ADAMTS12: variants seen among roughly 807,000 people sequenced by gnomAD.
ADAMTS12 encodes the protein A disintegrin and metalloproteinase with thrombospondin motifs 12.
In ADAMTS12, 118 loss-of-function variants were observed where a neutral mutation model predicts 167.8. That is an observed-to-expected ratio of 0.70 (90% CI 0.61 to 0.82). ADAMTS12 has a LOEUF of 0.82. Ranked by LOEUF, ADAMTS12 falls within the 40% of genes least tolerant of loss-of-function variation. The pLI, the probability that ADAMTS12 is intolerant of heterozygous loss-of-function variation, is 0.00. For synonymous variants in ADAMTS12, 704 were observed against 716.9 expected (o/e 0.98, Z 0.29); for missense variants, 1,916 against 1,998.8 (o/e 0.96, Z 0.79).
At chr5:33,812,628 A>G (rs1195450177) in intron 2 of ADAMTS12, among the ~76,000 whole-genome samples, 1 of 152,222 alleles carries the variant, frequency 6.6e-6, no homozygotes, top group African/African-American at 2.4e-5. Context: ...ACACAATATC[A>G]ACTCTTGTGT....
chr5:33,637,733 C>T lies in ADAMTS12; in HGVS notation c.1732G>A (p.Gly578Arg), dbSNP rs756550892. Residue 578 changes from glycine to arginine, a missense_variant, in exon 12 of 24, where the codon GGG becomes AGG. Physicochemically the swap from Gly to Arg is moderately radical, Grantham distance 125. Coordinates refer to ENST00000504830, the MANE Select transcript of ADAMTS12 (RefSeq NM_030955.4). ...TTTCTTTCTCCAGTGCAATATTTCCCTCCAAACTTTGGCCTGCAAATGAAA... is the reference window on the plus strand; with the variant it reads ...TTTCTTTCTCCAGTGCAATATTTCCTTCCAAACTTTGGCCTGCAAATGAAA... ...LCNNPEPKFGGKYCTGERKRY... is the reference protein window; with the variant it reads ...LCNNPEPKFGRKYCTGERKRY... 273 of 1,612,716 alleles carry T rather than the reference C, an allele frequency of 1.7e-4. No individual in the cohort carries two copies. The highest frequency in any genetic ancestry group is 2.2e-4 in the Non-Finnish European group (255 of 1,179,288).
intron 2 of ADAMTS12, among the ~76,000 whole-genome samples, chr5:33,779,028 A>G (rs1284930354): frequency 6.6e-6 from 1 of 152,156 alleles, no homozygotes; most frequent in Admixed American, 6.6e-5. Flanking sequence ...CAGCGTGTGG[A>G]GAAAATGAAA....
At chr5:33,788,652 T>C (rs1480198771) in intron 2 of ADAMTS12, among the ~76,000 whole-genome samples, 1 of 152,176 alleles carries the variant, frequency 6.6e-6, no homozygotes, top group Non-Finnish European at 1.5e-5. Flanking sequence ...CTATTTTGAA[T>C]TTCTGCAGTC....
Position 33,751,402 on chromosome 5 carries a change from AC to A in ADAMTS12, c.634+1del. The A allele has an allele frequency of 6.2e-7, 1 of 1,614,136 alleles. No homozygotes were observed. The highest frequency in any genetic ancestry group is 8.5e-7 in the Non-Finnish European group (1 of 1,180,022). ...CCCAGGAGGACATGTGAGTCACAAT[AC>A]CCTTTAATCCACAGGTTGGCTCCTT... On this transcript the variant is annotated splice_donor_variant, in intron 3 of 23. Coordinates refer to ENST00000504830, the MANE Select transcript of ADAMTS12 (RefSeq NM_030955.4). LOFTEE classifies it high-confidence loss of function.
chr5:33,629,768 C>T (rs1343224013), intron 13 of ADAMTS12, among the ~76,000 whole-genome samples: 1 of 152,178 alleles, frequency 6.6e-6, no homozygotes, highest in Non-Finnish European at 1.5e-5. Flanking sequence ...AACTTCTTTC[C>T]TTTAAAAATT....
chr5:33,812,402 T>A (rs1747494509), intron 2 of ADAMTS12, among the ~76,000 whole-genome samples: 1 of 152,138 alleles, frequency 6.6e-6, no homozygotes, highest in East Asian at 1.9e-4. Flanking sequence ...TATCGAAAAA[T>A]GAACACATTT....
At chr5:33,770,745 C>T (rs1261852895) in intron 2 of ADAMTS12, among the ~76,000 whole-genome samples, 1 of 151,978 alleles carries the variant, frequency 6.6e-6, no homozygotes, top group African/African-American at 2.4e-5. Flanking sequence ...CAAAAATGTT[C>T]AGAGCTCCCA....
In ADAMTS12 at chr5:33,615,850, G is replaced by A. The variant is rs766631712; in HGVS notation, c.2366C>T (p.Thr789Ile). The change falls in exon 15 of 24, where the codon ACC (threonine) becomes ATC (isoleucine). Residue 789 changes from threonine (T) to isoleucine (I), a missense_variant. Transcript: ENST00000504830. ...TACCTGGATCCACACAGACTCATTG[G>A]TGGGACCTGTGGCCATCAGCTTTTC... is the stretch of plus-strand genomic sequence containing the variant. ...DLEKLMATGP[T>I]NESVWIQLLF... The A allele has an allele frequency of 4.7e-5, 76 of 1,613,998 alleles. 1 individual carries two copies. Among genetic ancestry groups the A allele is most frequent in the Non-Finnish European group, 6.3e-5 (74 of 1,180,014 alleles).
intron 2 of ADAMTS12, among the ~76,000 whole-genome samples, chr5:33,792,128 G>T (rs577011710): frequency 5.9e-5 from 9 of 151,504 alleles, no homozygotes; most frequent in Non-Finnish European, 1.3e-4. Flanking sequence ...CTCCAGAGTA[G>T]CTGGGATTAC....
intron 6 of ADAMTS12, among the ~76,000 whole-genome samples, chr5:33,659,774 C>T (rs770701439): frequency 2.6e-5 from 4 of 152,226 alleles, no homozygotes; most frequent in Non-Finnish European, 5.9e-5. Flanking sequence ...CTTCCATCTA[C>T]TGAATGCTGT....
chr5:33,653,066 A>C (rs1044645514), intron 7 of ADAMTS12, among the ~76,000 whole-genome samples: 8 of 152,124 alleles, frequency 5.3e-5, no homozygotes, highest in African/African-American at 1.9e-4. Context: ...ATGTTGAATA[A>C]GAAGTGGTGA....
chr5:33,874,784 A>C (rs1750163379), intron 2 of ADAMTS12, among the ~76,000 whole-genome samples: 1 of 152,180 alleles, frequency 6.6e-6, no homozygotes, highest in Admixed American at 6.5e-5. Flanking sequence ...AAAAAACTTC[A>C]GGGGGCTGGG....
intron 1 of ADAMTS12, among the ~76,000 whole-genome samples, chr5:33,889,006 C>T (rs1750747261): frequency 6.6e-6 from 1 of 152,158 alleles, no homozygotes; most frequent in Admixed American, 6.5e-5. Flanking sequence ...TAGAAGGAAC[C>T]TAAAAGGTAA....
intron 21 of ADAMTS12, 65 bp from the exon 22 acceptor site, chr5:33,546,267 G>C: frequency 1.4e-6 from 2 of 1,476,604 alleles, no homozygotes; most frequent in Non-Finnish European, 1.8e-6. Context: ...GATAAGTGAA[G>C]AACTTCGTAC....
At chr5:33,880,194 T>C (rs1412838263) in intron 2 of ADAMTS12, among the ~76,000 whole-genome samples, 1 of 152,214 alleles carries the variant, frequency 6.6e-6, no homozygotes, top group Non-Finnish European at 1.5e-5. Flanking sequence ...TTATTCAGTA[T>C]CTCCAAACTG....
At chr5:33,869,186 G>T (rs1193020062) in intron 2 of ADAMTS12, among the ~76,000 whole-genome samples, 1 of 152,104 alleles carries the variant, frequency 6.6e-6, no homozygotes, top group East Asian at 1.9e-4. Context: ...ACTGCTCCCT[G>T]TGTCCCAGCC....
rs930826780 is a variant in ADAMTS12, at chr5:33,588,790, C to G, written c.2674G>C (p.Glu892Gln). 6.2e-7 allele frequency: 1 copy of G among 1,613,566 alleles called. No homozygotes were observed. Among genetic ancestry groups the G allele is most frequent in the Non-Finnish European group, 8.5e-7 (1 of 1,180,016 alleles). Residue 892 changes from glutamate (E) to glutamine (Q), a missense_variant, in exon 18 of 24, where the codon GAA (glutamate) becomes CAA (glutamine). Coordinates refer to ENST00000504830, the MANE Select transcript of ADAMTS12 (RefSeq NM_030955.4). ...CPPRWWAGEW[E>Q]ACSATCGPHG... Reference sequence around the variant, plus strand: ...GGCCCGCATGTCGCCGAGCATGCTTCCCACTCCCCTGCCCACCACCTGCAG... The same window carrying G: ...GGCCCGCATGTCGCCGAGCATGCTTGCCACTCCCCTGCCCACCACCTGCAG...
At chr5:33,755,317 G>A (rs1300923984) in intron 2 of ADAMTS12, among the ~76,000 whole-genome samples, 1 of 152,202 alleles carries the variant, frequency 6.6e-6, no homozygotes, top group Non-Finnish European at 1.5e-5. Context: ...AATATGGCAA[G>A]CCCAGATGGT....
intron 22 of ADAMTS12, among the ~76,000 whole-genome samples, chr5:33,535,555 C>T (rs534194276): frequency 1.3e-5 from 2 of 152,070 alleles, no homozygotes; most frequent in African/African-American, 4.8e-5. Flanking sequence ...TAGAGAGGAA[C>T]GGGAATGAGG....
Sources: allele counts gnomAD v4.1 joint callset (sites outside exome capture counted in the v4.1 genomes callset), GRCh38; gene constraint gnomAD v4.1.1; transcripts MANE v1.5; gene names NCBI Gene and HGNC (gene_info 2026-07-23, HGNC 2026-07-21).